The following NME7 variants were observed in gnomAD, a reference collection of about 807,000 sequenced individuals.
NME7 encodes nucleoside diphosphate kinase 7.
NME7 carries 41 observed loss-of-function variants against 49.1 expected under a neutral mutation model. The ratio of observed to expected loss-of-function variants is 0.83; its 90% CI spans 0.65 to 1.08. The LOEUF (loss-of-function observed/expected upper bound fraction) is 1.08, where lower values mean the gene tolerates loss of function less well. Among genes scored for constraint, NME7 ranks in the 50% least tolerant of loss-of-function variants. The probability of loss-of-function intolerance (pLI) is 0.00; values close to 1 mark genes in which losing one functional copy is unlikely to be tolerated. For synonymous variants in NME7, 139 were observed against 150.6 expected (o/e 0.92, Z 0.56); for missense variants, 423 against 463.4 (o/e 0.91, Z 0.80).
chr1:169,295,852 C>A (rs1417088419), intron 6 of NME7, among the ~76,000 whole-genome samples: 1 of 152,130 alleles, frequency 6.6e-6, no homozygotes, highest in Non-Finnish European at 1.5e-5. Context: ...ATACCTCATC[C>A]TCACTTTCAG....
At chr1:169,279,477 T>G (rs991524276) in intron 7 of NME7, among the ~76,000 whole-genome samples, 1 of 152,212 alleles carries the variant, frequency 6.6e-6, no homozygotes, top group South Asian at 2.1e-4. Flanking sequence ...TCTGTGGGCA[T>G]AGGACCCTCC....
At chr1:169,161,962 GT>G (rs149367136) in intron 11 of NME7, among the ~76,000 whole-genome samples, 16 of 151,756 alleles carry the variant, frequency 1.1e-4, no homozygotes, top group African/African-American at 2.7e-4. Flanking sequence ...CTTTTGAGAT[GT>G]TTTTTTTAGA....
intron 10 of NME7, among the ~76,000 whole-genome samples, chr1:169,214,308 C>T (rs1430175329): frequency 1.3e-5 from 2 of 152,170 alleles, no homozygotes; most frequent in Non-Finnish European, 2.9e-5. Flanking sequence ...CTTTCCTTTC[C>T]TAACCTGCTC....
At position 169,343,217 on chromosome 1, in the gene NME7, T is replaced by C. The variant is rs527237877; in HGVS notation, c.4-18717A>G. ...TACAGAGATATATATATTTCTATAG[T>C]TTCTTCTCAGAGCTTTATAGTTATA... On this transcript the variant is annotated intron_variant, in intron 1 of 11. Coordinates refer to ENST00000367811, the MANE Select transcript of NME7 (RefSeq NM_013330.5). Among the ~76,000 whole-genome samples, 192 of 151,670 alleles carry C rather than the reference T, an allele frequency of 1.3e-3. 1 individual carries two copies. The highest frequency in any genetic ancestry group is 2.2e-3 in the Non-Finnish European group (148 of 67,904).
At chr1:169,238,206 G>A (rs566047879) in intron 7 of NME7, among the ~76,000 whole-genome samples, 1 of 151,904 alleles carries the variant, frequency 6.6e-6, no homozygotes, top group East Asian at 1.9e-4. Context: ...ACACATCTGG[G>A]AAAGTATGAG....
At chr1:169,188,075 C>A (rs1660123134) in intron 10 of NME7, among the ~76,000 whole-genome samples, 1 of 152,070 alleles carries the variant, frequency 6.6e-6, no homozygotes. Context: ...AATATTGGCC[C>A]CTACTCTCTT....
chr1:169,354,951 T>C (rs1479079903), intron 1 of NME7, among the ~76,000 whole-genome samples: 1 of 50,664 alleles, frequency 2.0e-5, no homozygotes, highest in African/African-American at 6.0e-5. Context: ...TTATATATTA[T>C]ATATGTTTAT....
chr1:169,263,944 T>C (rs1649239696), intron 7 of NME7, among the ~76,000 whole-genome samples: 1 of 133,934 alleles, frequency 7.5e-6, no homozygotes, highest in African/African-American at 2.5e-5. Context: ...AGGGCCTATA[T>C]GCAACATTCT....
rs778367034 is a variant in NME7 at position 169,309,992 on chromosome 1, G to A, written c.367C>T (p.Leu123Phe). The change falls in exon 4 of 12, where the codon CTC (leucine) becomes TTC (phenylalanine). Residue 123 changes from leucine to phenylalanine, a missense_variant. By Grantham distance (22) the Leu-to-Phe change is conservative. Coordinates refer to ENST00000367811, the MANE Select transcript of NME7 (RefSeq NM_013330.5). ...INKAGFTITK[L>F]KMMMLSRKEA... The stretch of plus-strand genomic sequence containing the variant: ...TACCTTGAAAGCATCATCATTTTGA[G>A]TTTGGTTATAGTAAATCCAGCTTTG... The A allele has an allele frequency of 1.4e-5, 23 of 1,591,256 alleles. No individual in the cohort carries two copies. The highest frequency in any genetic ancestry group is 1.8e-5 in the Non-Finnish European group (21 of 1,164,764).
At chr1:169,174,433 A>G (rs1304923605) in intron 10 of NME7, among the ~76,000 whole-genome samples, 2 of 152,190 alleles carry the variant, frequency 1.3e-5, no homozygotes, top group African/African-American at 2.4e-5. Context: ...AACTAGAAAA[A>G]GATTTATGAA....
chr1:169,354,396 G>C (rs747004145), intron 1 of NME7, among the ~76,000 whole-genome samples: 25 of 151,896 alleles, frequency 1.6e-4, no homozygotes, highest in Admixed American at 3.3e-4. Flanking sequence ...GGGGGTTGTG[G>C]AGTTGAGGAT....
At chr1:169,149,467 G>T (rs975758507) in intron 11 of NME7, among the ~76,000 whole-genome samples, 2 of 152,018 alleles carry the variant, frequency 1.3e-5, no homozygotes, top group African/African-American at 4.8e-5. Flanking sequence ...ATCCCTAGGG[G>T]ATACATCCCA....
chr1:169,309,671 A>G lies in NME7; in HGVS notation c.389+299T>C, dbSNP rs112091808. Among the ~76,000 whole-genome samples, 890 of 151,756 alleles carry G rather than the reference A, an allele frequency of 5.9e-3. 8 individuals carry two copies. The highest frequency in any genetic ancestry group is 0.02 in the African/African-American group (847 of 41,350). On this transcript the variant is annotated intron_variant, in intron 4 of 11. Coordinates refer to ENST00000367811, the MANE Select transcript of NME7 (RefSeq NM_013330.5). ...GTTGAGAAGTTGATTTGTGAGCCACACTCCTGTTTCTCAATTCCACAGACA... is the reference window on the plus strand; with the variant it reads ...GTTGAGAAGTTGATTTGTGAGCCACGCTCCTGTTTCTCAATTCCACAGACA...
chr1:169,183,009 C>T (rs886235145), intron 10 of NME7, among the ~76,000 whole-genome samples: 1 of 152,198 alleles, frequency 6.6e-6, no homozygotes, highest in Non-Finnish European at 1.5e-5. Flanking sequence ...TTTTCTCAAA[C>T]TAGGACACAC....
intron 9 of NME7, among the ~76,000 whole-genome samples, chr1:169,233,944 T>C (rs958659042): frequency 7.5e-6 from 1 of 134,002 alleles, no homozygotes; most frequent in South Asian, 2.4e-4. Flanking sequence ...CTTTCTTTCT[T>C]CTTTTTCTCT....
At position 169,256,671 on chromosome 1, in the gene NME7, T is replaced by C. The variant is rs1240720625; in HGVS notation, c.755-18984A>G. 5.0e-5 allele frequency among the ~76,000 whole-genome samples: 6 copies of C among 120,414 alleles called. 2 individuals carry two copies. Among genetic ancestry groups the C allele is most frequent in the Non-Finnish European group, 1.1e-4 (6 of 54,110 alleles). 79.0% of individuals were successfully genotyped at this position (120,414 alleles called of 152,430 possible). On this transcript the variant is annotated intron_variant, in intron 7 of 11. Coordinates refer to ENST00000367811, the MANE Select transcript of NME7 (RefSeq NM_013330.5). ...TTTAGAGTTTCCAGTTTTTCTGTTC[T>C]GTTTTTTCCCCATCTTTGTGGTTTT...
intron 1 of NME7, among the ~76,000 whole-genome samples, chr1:169,363,666 C>A (rs981116562): frequency 1.3e-5 from 2 of 152,194 alleles, no homozygotes; most frequent in Admixed American, 6.5e-5. Flanking sequence ...TACATTGAAC[C>A]ATAAGTTCCT....
chr1:169,181,176 T>C (rs1423353455), intron 10 of NME7, among the ~76,000 whole-genome samples: 1 of 147,854 alleles, frequency 6.8e-6, no homozygotes. Context: ...CTATCATCTA[T>C]CTACCTACCT....
At chr1:169,262,595 G>A (rs1348983926) in intron 7 of NME7, among the ~76,000 whole-genome samples, 5 of 132,860 alleles carry the variant, frequency 3.8e-5, no homozygotes, top group African/African-American at 1.3e-4. Context: ...AGGCAGCAGG[G>A]GAACACAGAG....
Sources: gnomAD v4.1 joint callset for allele counts (sites outside exome capture counted in the v4.1 genomes callset) on GRCh38, gnomAD v4.1.1 for gene constraint, MANE v1.5 for transcripts, NCBI Gene and HGNC (gene_info 2026-07-23, HGNC 2026-07-21) for gene names.